Variants in DSCAM observed in about 807,000 individuals in gnomAD.
DSCAM encodes the protein DS cell adhesion molecule, also known as cell adhesion molecule DSCAM.
DSCAM carries 47 observed loss-of-function variants against 217.7 expected under a neutral mutation model. The observed-to-expected ratio is 0.22, with a 90% CI of 0.17 to 0.28. The LOEUF is 0.28. DSCAM is among the 10% of genes least tolerant of loss of function. The probability of loss-of-function intolerance (pLI) is 1.00; values close to 1 mark genes in which losing one functional copy is unlikely to be tolerated. For missense variants in DSCAM, 2,080 were observed against 2,618.3 expected (o/e 0.79, Z 4.49); for synonymous variants, 1,056 against 1,015.3 (o/e 1.04, Z -0.76).
In DSCAM at chr21:40,121,681, C is replaced by CTTTTTTTTTTTTTTTTTTTTTTT. The variant is rs201672838; in HGVS notation, c.3696+2491_3696+2513dup. On this transcript the variant is annotated intron_variant, in intron 20 of 32. Transcript: ENST00000400454. ...CTGGTGGGTTTGCTCTCATTACTGT[C>CTTTTTTTTTTTTTTTTTTTTTTT]TTTTTTTTTTTTTTTTTTTTTTTTT... Among the ~76,000 whole-genome samples, 23 of 73,750 alleles carry CTTTTTTTTTTTTTTTTTTTTTTT rather than the reference C, an allele frequency of 3.1e-4. 2 individuals are homozygous for CTTTTTTTTTTTTTTTTTTTTTTT. Among genetic ancestry groups the CTTTTTTTTTTTTTTTTTTTTTTT allele is most frequent in the African/African-American group, 9.2e-4 (16 of 17,396 alleles). 48.4% of individuals were successfully genotyped at this position (73,750 alleles called of 152,430 possible). A position where few individuals can be genotyped will look rare whatever the true frequency, so the allele number is the denominator to read the frequency against.
intron 3 of DSCAM, among the ~76,000 whole-genome samples, chr21:40,645,531 C>T (rs990975497): frequency 6.6e-6 from 1 of 151,802 alleles, no homozygotes; most frequent in Non-Finnish European, 1.5e-5. Context: ...AGTAGGCATC[C>T]ACTATTTAGT....
chr21:40,119,371 A>T (rs527720514), intron 20 of DSCAM, among the ~76,000 whole-genome samples: 1 of 152,332 alleles, frequency 6.6e-6, no homozygotes, highest in East Asian at 1.9e-4. Context: ...ACAGGAAAAG[A>T]GGGAGACACA....
intron 20 of DSCAM, among the ~76,000 whole-genome samples, chr21:40,121,852 T>C (rs2146664211): frequency 6.6e-6 from 1 of 151,868 alleles, no homozygotes; most frequent in East Asian, 1.9e-4. Flanking sequence ...CCACCACACC[T>C]GGCTAATTTT....
chr21:40,353,011 C>T (rs1242090272), intron 5 of DSCAM, among the ~76,000 whole-genome samples: 2 of 152,162 alleles, frequency 1.3e-5, no homozygotes, highest in Non-Finnish European at 2.9e-5. Context: ...TGATAATAGC[C>T]TCATTTAGAA....
At chr21:40,693,424 T>G (rs752541195) in intron 2 of DSCAM, among the ~76,000 whole-genome samples, 1 of 151,820 alleles carries the variant, frequency 6.6e-6, no homozygotes, top group Non-Finnish European at 1.5e-5. Flanking sequence ...GAAAAAAAAA[T>G]ACACTACACT....
chr21:40,052,740 C>T (rs1277144042), intron 29 of DSCAM, among the ~76,000 whole-genome samples: 2 of 152,196 alleles, frequency 1.3e-5, no homozygotes, highest in Admixed American at 6.5e-5. Flanking sequence ...CATCCATTAA[C>T]TGACTTCTCC....
chr21:40,341,310 A>T (rs566444842), intron 6 of DSCAM, among the ~76,000 whole-genome samples: 58 of 152,312 alleles, frequency 3.8e-4, no homozygotes, highest in African/African-American at 1.2e-3. Flanking sequence ...GGAGTACTGG[A>T]GTTATTTCAC....
At chr21:40,044,449 A>AAC (rs1243000748) in intron 30 of DSCAM, among the ~76,000 whole-genome samples, 174 bp from the exon 31 acceptor site, 1 of 152,100 alleles carries the variant, frequency 6.6e-6, no homozygotes, top group African/African-American at 2.4e-5. Flanking sequence ...TATGGCTTGA[A>AAC]ACCTTCATCT....
At chr21:40,311,961 AGTGAG>A in intron 9 of DSCAM, 115 bp downstream of exon 9, 1 of 77,984 alleles carries the variant, frequency 1.3e-5, no homozygotes, top group Non-Finnish European at 2.5e-5. Context: ...TTTTTTTTTT[AGTGAG>A]ATAAAACTGA....
intron 3 of DSCAM, among the ~76,000 whole-genome samples, chr21:40,453,040 TTGTGTGTGTGTGTGTGTGTGTGTG>T (rs3069917): frequency 8.2e-5 from 11 of 134,328 alleles, no homozygotes; most frequent in African/African-American, 2.5e-4. Context: ...TTTAAAGACT[TTGTGTGTGTGTGTGTGTGTGTGTG>T]TGTGTGTGTG....
At chr21:40,692,220 A>G (rs2146449064) in intron 3 of DSCAM, among the ~76,000 whole-genome samples, 1 of 152,382 alleles carries the variant, frequency 6.6e-6, no homozygotes, top group East Asian at 1.9e-4. Flanking sequence ...AATCAACACC[A>G]TTAGAAATGA....
chr21:40,425,378 T>C (rs1438492038), intron 3 of DSCAM, among the ~76,000 whole-genome samples: 1 of 151,812 alleles, frequency 6.6e-6, no homozygotes, highest in Non-Finnish European at 1.5e-5. Flanking sequence ...ATAACAAAAA[T>C]TATGAGTGAG....
chr21:40,171,555 T>C (rs2090658131), intron 15 of DSCAM, among the ~76,000 whole-genome samples: 1 of 151,636 alleles, frequency 6.6e-6, no homozygotes, highest in Admixed American at 6.6e-5. Context: ...GTGAAAGCAT[T>C]TGGATCCCTC....
chr21:40,689,874 T>C (rs992903598), intron 3 of DSCAM, among the ~76,000 whole-genome samples: 4 of 152,202 alleles, frequency 2.6e-5, no homozygotes, highest in Non-Finnish European at 5.9e-5. Context: ...AGGGCTAATT[T>C]AGAAAAAGTC....
In DSCAM at chr21:40,251,900, G is replaced by A. The variant is rs545666928; in HGVS notation, c.2356+24197C>T. Among the ~76,000 whole-genome samples, 3 of 152,180 alleles carry A rather than the reference G, an allele frequency of 2.0e-5. No individual in the cohort carries two copies. In the South Asian group the frequency reaches 6.2e-4, roughly 32 times the overall value. On this transcript the variant is annotated intron_variant, in intron 11 of 32. Coordinates refer to ENST00000400454, the MANE Select transcript of DSCAM (RefSeq NM_001389.5). Reference sequence around the variant, plus strand: ...ACAAACAAACGACACTTGCAAGCAAGCAGCCATGTTGCAGACATCCTCATG... The same window carrying A: ...ACAAACAAACGACACTTGCAAGCAAACAGCCATGTTGCAGACATCCTCATG...
chr21:40,270,068 C>T (rs1352785242), intron 11 of DSCAM, among the ~76,000 whole-genome samples: 1 of 152,192 alleles, frequency 6.6e-6, no homozygotes, highest in Non-Finnish European at 1.5e-5. Flanking sequence ...GAATCTTTAG[C>T]TGGTGGAACT....
At chr21:40,663,131 GTGTGTGCA>G (rs2090158275) in intron 3 of DSCAM, among the ~76,000 whole-genome samples, 1 of 55,688 alleles carries the variant, frequency 1.8e-5, no homozygotes, top group Non-Finnish European at 5.7e-5. Flanking sequence ...ATGTCATGTG[GTGTGTGCA>G]TGTATGCATG....
intron 3 of DSCAM, among the ~76,000 whole-genome samples, chr21:40,395,072 G>A (rs959601663): frequency 2.0e-5 from 3 of 152,146 alleles, no homozygotes; most frequent in African/African-American, 2.4e-5. Flanking sequence ...TGTAATTGAC[G>A]AAAAACATTG....
At chr21:40,071,269 A>G (rs549925878) in intron 27 of DSCAM, among the ~76,000 whole-genome samples, 8 of 152,296 alleles carry the variant, frequency 5.3e-5, no homozygotes, top group Admixed American at 3.9e-4. Context: ...ACTCCTGGAT[A>G]AGGTTATAGA....
Sources: gnomAD v4.1 joint callset for allele counts (sites outside exome capture counted in the v4.1 genomes callset) on GRCh38, gnomAD v4.1.1 for gene constraint, MANE v1.5 for transcripts, NCBI Gene and HGNC (gene_info 2026-07-23, HGNC 2026-07-21) for gene names.